HDAC9: variants seen among roughly 807,000 people sequenced by gnomAD.
The protein encoded by HDAC9 is histone deacetylase 9.
HDAC9 carries 41 observed loss-of-function variants against 139.4 expected under a neutral mutation model. The ratio of observed to expected loss-of-function variants is 0.29; its 90% CI spans 0.23 to 0.38. The LOEUF (loss-of-function observed/expected upper bound fraction) is 0.38. Among genes scored for constraint, HDAC9 ranks in the 10% least tolerant of loss-of-function variants. The pLI is 1.00. For synonymous variants in HDAC9, 517 were observed against 476.2 expected (o/e 1.09, Z -1.12); for missense variants, 1,147 against 1,297.0 (o/e 0.88, Z 1.78).
At chr7:18,643,619 C>T (rs912843646) in intron 8 of HDAC9, among the ~76,000 whole-genome samples, 8 of 152,148 alleles carry the variant, frequency 5.3e-5, no homozygotes, top group African/African-American at 1.4e-4. Flanking sequence ...ATATTTTCCC[C>T]GGTTAATTGA....
intron 12 of HDAC9, among the ~76,000 whole-genome samples, chr7:18,694,785 C>T (rs753471667): frequency 7.2e-5 from 11 of 152,102 alleles, no homozygotes; most frequent in Non-Finnish European, 1.2e-4. Context: ...ATGAAAACTA[C>T]ATTAAAGAGG....
At chr7:18,442,935 A>G (rs1035810592) in intron 1 of HDAC9, among the ~76,000 whole-genome samples, 2 of 152,196 alleles carry the variant, frequency 1.3e-5, no homozygotes, top group Non-Finnish European at 2.9e-5. Flanking sequence ...TGGGGCTTCA[A>G]CTACAGTGGA....
chr7:18,431,627 T>C (rs940629906), intron 1 of HDAC9, among the ~76,000 whole-genome samples: 1 of 152,180 alleles, frequency 6.6e-6, no homozygotes, highest in African/African-American at 2.4e-5. Context: ...GATGCAAATA[T>C]CATTGCTACT....
At chr7:18,422,562 G>A (rs1043693449) in intron 1 of HDAC9, among the ~76,000 whole-genome samples, 8 of 152,110 alleles carry the variant, frequency 5.3e-5, no homozygotes, top group Non-Finnish European at 1.2e-4. Flanking sequence ...CAAGAATGAG[G>A]CATTGATTTT....
At chr7:18,145,315 T>C (rs1022289106) in intron 1 of HDAC9, among the ~76,000 whole-genome samples, 1 of 152,182 alleles carries the variant, frequency 6.6e-6, no homozygotes, top group African/African-American at 2.4e-5. Context: ...GATAATCTCA[T>C]GGAGATAATT....
intron 2 of HDAC9, among the ~76,000 whole-genome samples, chr7:18,509,944 T>C (rs1800960857): frequency 6.6e-6 from 1 of 152,196 alleles, no homozygotes; most frequent in African/African-American, 2.4e-5. Context: ...TAGCATATAA[T>C]TGATCCCTGA....
At chr7:18,515,023 T>C (rs2128198398) in intron 2 of HDAC9, among the ~76,000 whole-genome samples, 1 of 152,310 alleles carries the variant, frequency 6.6e-6, no homozygotes, top group East Asian at 1.9e-4. Flanking sequence ...TACTACATAG[T>C]CCTTAGGAAT....
intron 2 of HDAC9, among the ~76,000 whole-genome samples, chr7:18,574,544 G>C (rs115558088): frequency 2.0e-5 from 3 of 152,144 alleles, no homozygotes; most frequent in Non-Finnish European, 2.9e-5. Flanking sequence ...GCTTCACCAG[G>C]TACCCTCCCC....
chr7:18,785,880 C>T (rs996853542), intron 16 of HDAC9, among the ~76,000 whole-genome samples: 3 of 152,082 alleles, frequency 2.0e-5, no homozygotes, highest in Admixed American at 6.5e-5. Flanking sequence ...CATTAATGGT[C>T]GCTGTAAGAA....
intron 23 of HDAC9, among the ~76,000 whole-genome samples, chr7:18,938,097 T>A (rs1269936970): frequency 3.3e-5 from 5 of 152,186 alleles, no homozygotes; most frequent in African/African-American, 1.2e-4. Flanking sequence ...ACTCTGGCCA[T>A]TTTAGTACAC....
chr7:18,568,311 A>T (rs1287746133), intron 2 of HDAC9, among the ~76,000 whole-genome samples: 1 of 152,088 alleles, frequency 6.6e-6, no homozygotes, highest in Non-Finnish European at 1.5e-5. Flanking sequence ...TTAAATATGC[A>T]AGATAAAAAA....
chr7:18,857,335 T>TTGTGTGAGTGTGTGTG (rs1554380781), intron 21 of HDAC9, among the ~76,000 whole-genome samples: 2 of 140,892 alleles, frequency 1.4e-5, no homozygotes, highest in African/African-American at 5.4e-5. Context: ...TATGTTTTAG[T>TTGTGTGAGTGTGTGTG]TGTGTGTGTG....
At chr7:18,807,436 A>G (rs1793801331) in intron 17 of HDAC9, among the ~76,000 whole-genome samples, 1 of 151,522 alleles carries the variant, frequency 6.6e-6, no homozygotes, top group East Asian at 1.9e-4. Context: ...TATTTCATTT[A>G]TTTCTGCTGT....
At chr7:18,871,092 G>GT (rs1434563900) in intron 21 of HDAC9, among the ~76,000 whole-genome samples, 1 of 152,150 alleles carries the variant, frequency 6.6e-6, no homozygotes, top group Non-Finnish European at 1.5e-5. Context: ...AGAAAGAGCT[G>GT]TTTTCTCTCC....
chr7:18,864,747 G>T (rs1294159397), intron 21 of HDAC9, among the ~76,000 whole-genome samples: 1 of 152,100 alleles, frequency 6.6e-6, no homozygotes, highest in African/African-American at 2.4e-5. Context: ...TTGGAGGAAG[G>T]GGAAATGGGA....
At chr7:18,741,806 A>T (rs1184505407) in intron 13 of HDAC9, among the ~76,000 whole-genome samples, 1 of 152,190 alleles carries the variant, frequency 6.6e-6, no homozygotes, top group Non-Finnish European at 1.5e-5. Context: ...GAATATCAAC[A>T]TTGACAAGTG....
Position 18,440,007 on chromosome 7 carries a change from A to G in HDAC9, c.-41-56255A>G, listed in dbSNP as rs538644085. Among the ~76,000 whole-genome samples the G allele has an allele frequency of 3.3e-5, 5 of 152,262 alleles. No homozygotes were observed. The South Asian group carries it at 1.0e-3, about 32-fold the overall frequency. ...GATGCTTGATAAAATATTTTATGAA[A>G]TTCATCATTGTACCCACTCTTAATA... On this transcript the variant is annotated intron_variant, in intron 1 of 3. Coordinates refer to the HDAC9 transcript ENST00000413509.
intron 2 of HDAC9, among the ~76,000 whole-genome samples, chr7:18,572,070 G>T (rs890933370): frequency 6.6e-6 from 1 of 151,206 alleles, no homozygotes; most frequent in African/African-American, 2.4e-5. Flanking sequence ...AAGTTTATTT[G>T]CTGAGTAATA....
At chr7:18,644,533 T>G in intron 8 of HDAC9, 138 bp from the exon 9 acceptor site, 1 of 592,110 alleles carries the variant, frequency 1.7e-6, no homozygotes, top group Non-Finnish European at 2.6e-6. Context: ...ACATTATAAC[T>G]TTTGGATATA....
Sources: allele counts gnomAD v4.1 joint callset (sites outside exome capture counted in the v4.1 genomes callset), GRCh38; gene constraint gnomAD v4.1.1; transcripts MANE v1.5; gene names NCBI Gene and HGNC (gene_info 2026-07-23, HGNC 2026-07-21).